KCTD8: variants seen among roughly 807,000 people sequenced by gnomAD.
KCTD8 encodes potassium channel tetramerization domain containing 8.
In KCTD8, 27 loss-of-function variants were observed where a neutral mutation model predicts 31.5. The observed-to-expected ratio is 0.86, with a 90% CI of 0.63 to 1.18. The LOEUF (loss-of-function observed/expected upper bound fraction) is 1.18, where lower values mean the gene tolerates loss of function less well. KCTD8 is among the 50% of genes most tolerant of loss of function. The pLI, the probability that KCTD8 is intolerant of heterozygous loss-of-function variation, is 0.00. For synonymous variants in KCTD8, 290 were observed against 280.0 expected (o/e 1.04, Z -0.36); for missense variants, 658 against 647.7 (o/e 1.02, Z -0.17).
At position 44,448,578 on chromosome 4, in the gene KCTD8, G is replaced by A; in HGVS notation, c.-55C>T. 2 of 1,386,922 alleles carry A rather than the reference G, an allele frequency of 1.4e-6. No individual in the cohort carries two copies. The highest frequency in any genetic ancestry group is 1.9e-6 in the Non-Finnish European group (2 of 1,074,982). 85.9% of individuals were successfully genotyped at this position (1,386,922 alleles called of 1,614,324 possible). On this transcript the variant is annotated 5_prime_UTR_variant, in exon 1 of 2. Coordinates refer to ENST00000360029, the MANE Select transcript of KCTD8 (RefSeq NM_198353.3). The surrounding 1 kb of genome is among the most constrained non-coding windows in gnomAD (Gnocchi z 4.1). ...AGAGAGCTGCACTTTCTCGTTCCCG[G>A]AGCCCGCGCCCCAGCCCTCCGCGTG... is the stretch of plus-strand genomic sequence containing the variant.
intron 1 of KCTD8, among the ~76,000 whole-genome samples, chr4:44,199,813 C>G (rs947654843): frequency 6.6e-6 from 1 of 151,702 alleles, no homozygotes; most frequent in East Asian, 1.9e-4. Flanking sequence ...CAGAGAAGAA[C>G]TGAATGAAAC....
intron 1 of KCTD8, among the ~76,000 whole-genome samples, chr4:44,237,569 T>C (rs1715329706): frequency 1.3e-5 from 2 of 152,178 alleles, no homozygotes; most frequent in South Asian, 2.1e-4. Context: ...ATAAAGCAAA[T>C]GTTTTGATCT....
intron 1 of KCTD8, among the ~76,000 whole-genome samples, chr4:44,183,702 G>C (rs979146771): frequency 4.6e-5 from 7 of 151,694 alleles, no homozygotes; most frequent in African/African-American, 1.7e-4. Context: ...TTTTTTCCTT[G>C]AATACACAAG....
At chr4:44,253,889 G>T (rs1174433434) in intron 1 of KCTD8, among the ~76,000 whole-genome samples, 1 of 151,932 alleles carries the variant, frequency 6.6e-6, no homozygotes, top group Non-Finnish European at 1.5e-5. Context: ...GGGTGCTGCT[G>T]TAACCAAACC....
chr4:44,267,683 T>G (rs573935599), intron 1 of KCTD8, among the ~76,000 whole-genome samples: 1 of 151,966 alleles, frequency 6.6e-6, no homozygotes, highest in South Asian at 2.1e-4. Flanking sequence ...AAGAATCAAA[T>G]AGATGCAATA....
intron 1 of KCTD8, among the ~76,000 whole-genome samples, chr4:44,225,707 T>G (rs1246508445): frequency 6.6e-6 from 1 of 152,120 alleles, no homozygotes; most frequent in Non-Finnish European, 1.5e-5. Context: ...TTTTTAATTT[T>G]ACTTTAAGTT....
At chr4:44,398,332 C>T (rs2109454630) in intron 1 of KCTD8, among the ~76,000 whole-genome samples, 1 of 152,318 alleles carries the variant, frequency 6.6e-6, no homozygotes, top group Non-Finnish European at 1.5e-5. Context: ...TTAACCCTTG[C>T]TACCTTTGGT....
At position 44,193,531 on chromosome 4, in the gene KCTD8, T is replaced by C. The variant is rs373843371; in HGVS notation, c.962-18281A>G. Among the ~76,000 whole-genome samples the C allele has an allele frequency of 3.9e-5, 6 of 152,284 alleles. No individual in the cohort carries two copies. In the East Asian group the frequency reaches 1.2e-3, roughly 29 times the overall value. ...CAAGCCCTTAAGGATTAAACTAAGA[T>C]GCATATCTGAACATTTGGGGATAAA... On this transcript the variant is annotated intron_variant, in intron 1 of 1. Coordinates refer to ENST00000360029, the MANE Select transcript of KCTD8 (RefSeq NM_198353.3).
At position 44,280,162 on chromosome 4, in the gene KCTD8, C is replaced by T. The variant is rs898936892; in HGVS notation, c.962-104912G>A. ...AAGCTTTCTCTTACCTTTCGAAGAA[C>T]TAAGAAATTACAAAGAGCATGCCAA... On this transcript the variant is annotated intron_variant, in intron 1 of 1. Coordinates refer to ENST00000360029, the MANE Select transcript of KCTD8 (RefSeq NM_198353.3). Among the ~76,000 whole-genome samples the T allele has an allele frequency of 4.7e-4, 72 of 151,976 alleles. 1 individual carries two copies. Among genetic ancestry groups the T allele is most frequent in the African/African-American group, 1.6e-3 (68 of 41,502 alleles).
intron 1 of KCTD8, among the ~76,000 whole-genome samples, chr4:44,359,497 A>G (rs554997882): frequency 6.6e-6 from 1 of 152,300 alleles, no homozygotes; most frequent in East Asian, 1.9e-4. Context: ...AGCGACAGAG[A>G]AGGAAACAAC....
intron 1 of KCTD8, among the ~76,000 whole-genome samples, chr4:44,242,364 G>A (rs1250677136): frequency 6.6e-6 from 1 of 151,988 alleles, no homozygotes; most frequent in East Asian, 1.9e-4. Flanking sequence ...GGATCACGAG[G>A]TCAGGAGATC....
At position 44,331,557 on chromosome 4, in the gene KCTD8, T is replaced by G. The variant is rs145596186; in HGVS notation, c.961+116006A>C. On this transcript the variant is annotated intron_variant, in intron 1 of 1. Transcript: ENST00000360029. ...TGTAATGAATGTGACACACATGAAT[T>G]AACCAATGTGCAAACAAAACTCGTT... is the stretch of plus-strand genomic sequence containing the variant. 1.2e-3 allele frequency among the ~76,000 whole-genome samples: 178 copies of G among 151,710 alleles called. 1 individual carries two copies. The highest frequency in any genetic ancestry group is 4.0e-3 in the African/African-American group (165 of 41,480).
rs180890684 is a variant in KCTD8 at position 44,294,669 on chromosome 4, T to C, written c.962-119419A>G. Among the ~76,000 whole-genome samples, 986 of 152,316 alleles carry C rather than the reference T, an allele frequency of 6.5e-3. 5 individuals are homozygous for C. The highest frequency in any genetic ancestry group is 0.011 in the Non-Finnish European group (762 of 68,022). On this transcript the variant is annotated intron_variant, in intron 1 of 1. Coordinates refer to ENST00000360029, the MANE Select transcript of KCTD8 (RefSeq NM_198353.3). ...TCTCACCAAAGACCATTATCATCAA[T>C]AGAACAGAAGAATGTTAACTCTCTA...
rs188931714 is a variant in KCTD8, at chr4:44,285,247, A to G, written c.962-109997T>C. ...CAATTGTCCATCAATGGTAGACTGG[A>G]CTAAGAAAATGTGGCACATATACAC... On this transcript the variant is annotated intron_variant, in intron 1 of 1. Coordinates refer to ENST00000360029, the MANE Select transcript of KCTD8 (RefSeq NM_198353.3). Among the ~76,000 whole-genome samples the G allele has an allele frequency of 6.7e-3, 1,026 of 152,324 alleles. 7 individuals are homozygous for G. Among genetic ancestry groups the G allele is most frequent in the Non-Finnish European group, 0.011 (716 of 68,026 alleles).
At chr4:44,261,582 A>T (rs868534492) in intron 1 of KCTD8, among the ~76,000 whole-genome samples, 2 of 151,908 alleles carry the variant, frequency 1.3e-5, no homozygotes, top group African/African-American at 4.8e-5. Flanking sequence ...TTTGACCAAC[A>T]TTTCCACATT....
intron 1 of KCTD8, among the ~76,000 whole-genome samples, chr4:44,366,607 G>A (rs568045935): frequency 1.1e-4 from 16 of 152,152 alleles, no homozygotes; most frequent in Non-Finnish European, 1.8e-4. Flanking sequence ...TTATAGCAGC[G>A]TGAGAATGGA....
At chr4:44,408,545 G>A (rs977189676) in intron 1 of KCTD8, among the ~76,000 whole-genome samples, 11 of 152,162 alleles carry the variant, frequency 7.2e-5, no homozygotes, top group African/African-American at 2.7e-4. Flanking sequence ...TTAAAAGTCA[G>A]GAAATTAATG....
intron 1 of KCTD8, among the ~76,000 whole-genome samples, chr4:44,333,320 C>G (rs955040975): frequency 1.3e-5 from 2 of 152,050 alleles, no homozygotes; most frequent in Non-Finnish European, 2.9e-5. Flanking sequence ...GAATATCATG[C>G]ACTTTAATAA....
chr4:44,227,519 A>T (rs1715000856), intron 1 of KCTD8, among the ~76,000 whole-genome samples: 1 of 152,154 alleles, frequency 6.6e-6, no homozygotes, highest in South Asian at 2.1e-4. Flanking sequence ...CAACCATTTA[A>T]CCATTGATTT....
Sources: allele counts gnomAD v4.1 joint callset (sites outside exome capture counted in the v4.1 genomes callset), GRCh38; gene constraint gnomAD v4.1.1; non-coding constraint Gnocchi (gnomAD v3.1); transcripts MANE v1.5; gene names NCBI Gene and HGNC (gene_info 2026-07-23, HGNC 2026-07-21).